TEN1: variants seen among roughly 807,000 people sequenced by gnomAD.
The protein encoded by TEN1 is TEN1 subunit of CST complex.
In TEN1, 6 loss-of-function variants were observed where a neutral mutation model predicts 9.3. The observed-to-expected ratio is 0.65, with a 90% CI of 0.35 to 1.27. The LOEUF (loss-of-function observed/expected upper bound fraction) is 1.27, where lower values mean the gene tolerates loss of function less well. TEN1 is among the 50% of genes most tolerant of loss of function. TEN1 has a pLI of 0.03. For synonymous variants in TEN1, 65 were observed against 65.6 expected (o/e 0.99, Z 0.04); for missense variants, 149 against 158.2 (o/e 0.94, Z 0.31).
At chr17:75,986,430 G>T (rs1030805667) in intron 2 of TEN1, 146 bp downstream of exon 2, 1 of 758,054 alleles carries the variant, frequency 1.3e-6, no homozygotes, top group Admixed American at 3.5e-5. Flanking sequence ...TGCCGGGCGC[G>T]GTGGCTCATG....
At chr17:75,990,839 A>G (rs2066180354) in intron 2 of TEN1, among the ~76,000 whole-genome samples, 1 of 151,738 alleles carries the variant, frequency 6.6e-6, no homozygotes, top group South Asian at 2.1e-4. Flanking sequence ...GACAAGACAT[A>G]GAAAGCAAAA....
rs1166389836 is a variant in TEN1, at chr17:75,979,453, G to A, written c.-65G>A. 5.6e-6 allele frequency: 2 copies of A among 358,176 alleles called. No homozygotes were observed. The highest frequency in any genetic ancestry group is 7.7e-5 in the East Asian group (1 of 12,992). 22.2% of individuals were successfully genotyped at this position (358,176 alleles called of 1,614,324 possible). A position where few individuals can be genotyped will look rare whatever the true frequency, so the allele number is the denominator to read the frequency against. On this transcript the variant is annotated 5_prime_UTR_variant, in exon 1 of 4. Transcript: ENST00000397640. ...ACTTTTTGTATCCCGCCCCTCCCCC[G>A]TCACGTGACCACGCGAGGCGGAAAG...
intron 2 of TEN1, among the ~76,000 whole-genome samples, chr17:75,987,880 G>T (rs968029704): frequency 1.6e-5 from 2 of 123,448 alleles, no homozygotes; most frequent in African/African-American, 6.5e-5. Flanking sequence ...TTGCGCCACT[G>T]CACTCCAGCC....
intron 2 of TEN1, among the ~76,000 whole-genome samples, chr17:75,991,146 T>A (rs1299869416): frequency 6.3e-5 from 3 of 47,730 alleles, no homozygotes; most frequent in East Asian, 6.0e-4. Context: ...CGAGACTCCA[T>A]CTCAAAAAAA....
chr17:75,988,154 T>C (rs1323697240), intron 2 of TEN1, among the ~76,000 whole-genome samples: 1 of 147,612 alleles, frequency 6.8e-6, no homozygotes, highest in Non-Finnish European at 1.5e-5. Context: ...GCAGGAGAAT[T>C]GCTTGAACCC....
In TEN1 at chr17:75,979,249, CGTGA is replaced by C. The variant is rs377348358; in HGVS notation, c.-264_-261del. ...CTTCTTTCTCCGTGGCCCTTTGGCGCGTGAGTGACAGCGGCCCAGACAGAGGGGG... is the reference window on the plus strand; with the variant it reads ...CTTCTTTCTCCGTGGCCCTTTGGCGCGTGACAGCGGCCCAGACAGAGGGGG... On this transcript the variant is annotated 5_prime_UTR_variant, in exon 1 of 4. Transcript: ENST00000397640. The C allele has an allele frequency of 4.7e-6, 4 of 855,546 alleles. No individual in the cohort carries two copies. The highest frequency in any genetic ancestry group is 1.5e-5 in the South Asian group (1 of 65,460). 53.0% of individuals were successfully genotyped at this position (855,546 alleles called of 1,614,324 possible). A position where few individuals can be genotyped will look rare whatever the true frequency, so the allele number is the denominator to read the frequency against.
chr17:75,992,156 A>G (rs2066189865), intron 3 of TEN1, among the ~76,000 whole-genome samples: 1 of 151,986 alleles, frequency 6.6e-6, no homozygotes, highest in Non-Finnish European at 1.5e-5. Flanking sequence ...ACAACACACC[A>G]GGCCTGATGT....
At chr17:75,985,038 G>C (rs950639024) in intron 1 of TEN1, 1 of 152,172 alleles carries the variant, frequency 6.6e-6, no homozygotes, top group Non-Finnish European at 1.5e-5. Flanking sequence ...GAGGTCAAGA[G>C]TTCGAGACCA....
intron 1 of TEN1, among the ~76,000 whole-genome samples, chr17:75,981,393 A>G (rs2066118464): frequency 6.6e-6 from 1 of 151,720 alleles, no homozygotes; most frequent in African/African-American, 2.4e-5. Context: ...CACTATGTTG[A>G]CCAGGCTGGT....
chr17:75,992,713 C>T (rs1393636459), intron 3 of TEN1, among the ~76,000 whole-genome samples: 3 of 151,318 alleles, frequency 2.0e-5, no homozygotes, highest in Admixed American at 6.6e-5. Flanking sequence ...GGGGTTTCAC[C>T]GTATTAGCCA....
In TEN1 at chr17:76,000,385, G is replaced by A. The variant is rs906811750; in HGVS notation, c.*123G>A. On this transcript the variant is annotated 3_prime_UTR_variant, in exon 4 of 4. Coordinates refer to ENST00000397640, the MANE Select transcript of TEN1 (RefSeq NM_001113324.3). The surrounding 1 kb of genome is among the most constrained non-coding windows in gnomAD (Gnocchi z 5.9). ...CTTGTCTGGAGCTCGAAAGCCGAGG[G>A]GCGGGTGATGAATCCAGCCCCTTCC... 1 of 1,354,546 alleles carries A rather than the reference G, an allele frequency of 7.4e-7. No individual in the cohort carries two copies. The highest frequency in any genetic ancestry group is 2.6e-5 in the East Asian group (1 of 38,562). 83.9% of individuals were successfully genotyped at this position (1,354,546 alleles called of 1,614,324 possible).
chr17:75,989,022 C>T (rs1479784765), intron 2 of TEN1, among the ~76,000 whole-genome samples: 1 of 152,260 alleles, frequency 6.6e-6, no homozygotes, highest in Admixed American at 6.5e-5. Context: ...CCACCCGCCT[C>T]GGCCCCCCAA....
chr17:75,980,036 C>T (rs2066105150), intron 1 of TEN1, among the ~76,000 whole-genome samples: 1 of 152,088 alleles, frequency 6.6e-6, no homozygotes, highest in Non-Finnish European at 1.5e-5. Flanking sequence ...TGCACACTTA[C>T]TGTTAAAACC....
At chr17:75,981,593 G>GT (rs1198732444) in intron 1 of TEN1, among the ~76,000 whole-genome samples, 126 of 141,042 alleles carry the variant, frequency 8.9e-4, no homozygotes, top group South Asian at 1.3e-3. Context: ...CACAAAGCAA[G>GT]TTGTTTTTTT....
intron 1 of TEN1, among the ~76,000 whole-genome samples, chr17:75,981,028 A>G (rs1289100493): frequency 1.3e-5 from 2 of 152,182 alleles, no homozygotes; most frequent in African/African-American, 2.4e-5. Flanking sequence ...TAGGAAACCA[A>G]TTGCTCTTAA....
At chr17:75,987,568 G>A (rs183955518) in intron 2 of TEN1, among the ~76,000 whole-genome samples, 1 of 152,236 alleles carries the variant, frequency 6.6e-6, no homozygotes, top group East Asian at 1.9e-4. Flanking sequence ...TGTAAATATC[G>A]GGGGTGAGAA....
At chr17:75,993,927 C>T (rs532960631) in intron 3 of TEN1, among the ~76,000 whole-genome samples, 11 of 151,480 alleles carry the variant, frequency 7.3e-5, no homozygotes, top group East Asian at 3.9e-4. Context: ...ACCCGGGAGG[C>T]GGAGGAGGTT....
chr17:75,993,570 C>A (rs1480072621), intron 3 of TEN1, among the ~76,000 whole-genome samples: 7 of 152,162 alleles, frequency 4.6e-5, no homozygotes, highest in Non-Finnish European at 8.8e-5. Flanking sequence ...GATGGAGGGA[C>A]CCGCCAGCAG....
At chr17:75,992,172 A>C (rs1012080235) in intron 3 of TEN1, among the ~76,000 whole-genome samples, 1 of 152,084 alleles carries the variant, frequency 6.6e-6, no homozygotes, top group Non-Finnish European at 1.5e-5. Flanking sequence ...GATGTGAGGC[A>C]GCTTGCTTAG....
Sources: allele counts gnomAD v4.1 joint callset (sites outside exome capture counted in the v4.1 genomes callset), GRCh38; gene constraint gnomAD v4.1.1; non-coding constraint Gnocchi (gnomAD v3.1); transcripts MANE v1.5; gene names NCBI Gene and HGNC (gene_info 2026-07-23, HGNC 2026-07-21).